Variants in NRG1 observed in about 807,000 individuals in gnomAD.
The protein encoded by NRG1 is neuregulin 1, also known as pro-neuregulin-1, membrane-bound isoform.
A neutral mutation model predicts 63.8 loss-of-function variants in NRG1; 18 were observed. The ratio of observed to expected loss-of-function variants is 0.28; its 90% CI spans 0.19 to 0.42. The LOEUF (loss-of-function observed/expected upper bound fraction) is 0.42. Among genes scored for constraint, NRG1 ranks in the 10% least tolerant of loss-of-function variants. The pLI is 1.00. For missense variants in NRG1, 762 were observed against 814.7 expected (o/e 0.94, Z 0.79); for synonymous variants, 302 against 301.3 (o/e 1.00, Z -0.02).
chr8:31,850,666 T>C (rs1827124445), intron 1 of NRG1, among the ~76,000 whole-genome samples: 1 of 152,172 alleles, frequency 6.6e-6, no homozygotes. Context: ...TTTAGTTCAG[T>C]GTTTCCTCCT....
chr8:32,088,356 AGT>A (rs1024405997), intron 1 of NRG1, among the ~76,000 whole-genome samples: 27 of 152,196 alleles, frequency 1.8e-4, no homozygotes, highest in African/African-American at 6.3e-4. Context: ...GGTCAGATAA[AGT>A]GGATTATATG....
At chr8:32,180,277 T>C (rs948886368) in intron 1 of NRG1, among the ~76,000 whole-genome samples, 1 of 152,150 alleles carries the variant, frequency 6.6e-6, no homozygotes, top group Admixed American at 6.6e-5. Context: ...CTGCACAAAT[T>C]ACCCTTCCAA....
chr8:32,284,978 C>T (rs750179916), intron 1 of NRG1, among the ~76,000 whole-genome samples: 20 of 152,192 alleles, frequency 1.3e-4, no homozygotes, highest in Admixed American at 6.5e-5. Flanking sequence ...TAACATTTTC[C>T]TTTGCACCTG....
At chr8:31,837,884 G>C (rs1825831036) in intron 1 of NRG1, among the ~76,000 whole-genome samples, 1 of 152,050 alleles carries the variant, frequency 6.6e-6, no homozygotes, top group Non-Finnish European at 1.5e-5. Context: ...TTCATCCCCT[G>C]ATGGACACTT....
At position 32,069,481 on chromosome 8, in the gene NRG1, A is replaced by G. The variant is rs139539299; in HGVS notation, c.37+430050A>G. ...TACTTTGAAAAGTCGTGAATTAAAT[A>G]GAACTTTCTAGCAATGGTTGATGAA... On this transcript the variant is annotated intron_variant, in intron 1 of 10. Transcript: ENST00000519301. Among the ~76,000 whole-genome samples the G allele has an allele frequency of 2.5e-3, 383 of 152,344 alleles. 1 individual carries two copies. The highest frequency in any genetic ancestry group is 8.6e-3 in the African/African-American group (359 of 41,578).
intron 1 of NRG1, among the ~76,000 whole-genome samples, chr8:32,203,188 CT>C (rs11311144): frequency 0.6 from 36,858 of 61,508 alleles, 10,372 homozygotes; most frequent in Admixed American, 0.7. Context: ...AGCAAGCCAG[CT>C]TTTTTTTTTT....
chr8:31,708,276 C>A (rs1229002226), intron 1 of NRG1, among the ~76,000 whole-genome samples: 2 of 152,074 alleles, frequency 1.3e-5, no homozygotes, highest in African/African-American at 4.8e-5. Context: ...TGGCAGGAAA[C>A]CAGAAGTGAT....
intron 2 of NRG1, among the ~76,000 whole-genome samples, chr8:32,596,718 T>C (rs1843438308): frequency 6.6e-6 from 1 of 152,162 alleles, no homozygotes; most frequent in South Asian, 2.1e-4. Context: ...AATACTTAGA[T>C]TTATGGAAAG....
chr8:32,664,476 C>A (rs376409472), intron 5 of NRG1, among the ~76,000 whole-genome samples: 1 of 151,952 alleles, frequency 6.6e-6, no homozygotes, highest in Non-Finnish European at 1.5e-5. Context: ...CATGGTGAGT[C>A]GGCCAGTTGA....
Position 32,507,063 on chromosome 8 carries a change from G to T in NRG1, c.38-88765G>T, listed in dbSNP as rs185298992. On this transcript the variant is annotated intron_variant, in intron 1 of 10. Transcript: ENST00000519301. Reference sequence around the variant, plus strand: ...TGAAAAAAACCTAGGGGTGAACCTGGCATGGTTTTTGCCCTCAAAATTCTT... The same window carrying T: ...TGAAAAAAACCTAGGGGTGAACCTGTCATGGTTTTTGCCCTCAAAATTCTT... Among the ~76,000 whole-genome samples, 18 of 152,184 alleles carry T rather than the reference G, an allele frequency of 1.2e-4. No individual in the cohort carries two copies. The East Asian group carries it at 3.3e-3, about 28-fold the overall frequency.
At chr8:32,713,593 ATAAT>A (rs1376099423) in intron 5 of NRG1, among the ~76,000 whole-genome samples, 2 of 149,812 alleles carry the variant, frequency 1.3e-5, no homozygotes, top group African/African-American at 4.9e-5. Flanking sequence ...TTTCTCTCTG[ATAAT>A]TCATGAGTAA....
chr8:32,306,245 A>G (rs941917082), intron 1 of NRG1, among the ~76,000 whole-genome samples: 4 of 152,224 alleles, frequency 2.6e-5, no homozygotes, highest in Non-Finnish European at 5.9e-5. Flanking sequence ...ACCACATTCT[A>G]TACTGGAAAA....
At chr8:32,289,295 A>C (rs1269487095) in intron 1 of NRG1, among the ~76,000 whole-genome samples, 8 of 152,150 alleles carry the variant, frequency 5.3e-5, no homozygotes, top group African/African-American at 1.9e-4. Context: ...TTGTCTCTCA[A>C]GTCTACCTAT....
downstream of NRG1, among the ~76,000 whole-genome samples, chr8:32,771,071 A>G (rs1279902632): frequency 6.6e-6 from 1 of 152,012 alleles, no homozygotes; most frequent in Non-Finnish European, 1.5e-5. Flanking sequence ...TCACCAAATA[A>G]TATTTAACTT....
chr8:32,666,211 T>A (rs1804120261), intron 5 of NRG1, among the ~76,000 whole-genome samples: 1 of 152,196 alleles, frequency 6.6e-6, no homozygotes, highest in African/African-American at 2.4e-5. Context: ...AGTGAATATA[T>A]AAACTTGTAG....
At chr8:32,109,276 T>G (rs1418856049) in intron 1 of NRG1, among the ~76,000 whole-genome samples, 2 of 152,166 alleles carry the variant, frequency 1.3e-5, no homozygotes, top group Non-Finnish European at 2.9e-5. Context: ...AGGTTCGCTG[T>G]TAGTATAGAG....
intron 1 of NRG1, among the ~76,000 whole-genome samples, chr8:32,561,601 T>G (rs11776203): frequency 0.2 from 30,329 of 152,136 alleles, 3,855 homozygotes; most frequent in Admixed American, 0.33. Flanking sequence ...CTCTGTAAAT[T>G]ATGTGCATGC....
At chr8:32,364,647 G>A (rs1563364192) in intron 1 of NRG1, among the ~76,000 whole-genome samples, 2 of 151,998 alleles carry the variant, frequency 1.3e-5, no homozygotes, top group Non-Finnish European at 2.9e-5. Context: ...GTACTTGTGA[G>A]ATTTCTTTTC....
intron 1 of NRG1, among the ~76,000 whole-genome samples, chr8:32,578,034 G>T (rs1268557253): frequency 6.6e-6 from 1 of 152,066 alleles, no homozygotes; most frequent in Non-Finnish European, 1.5e-5. Flanking sequence ...TCACACAGTC[G>T]CCTGGTCTGG....
Sources: allele counts gnomAD v4.1 joint callset (sites outside exome capture counted in the v4.1 genomes callset), GRCh38; gene constraint gnomAD v4.1.1; transcripts MANE v1.5; gene names NCBI Gene and HGNC (gene_info 2026-07-23, HGNC 2026-07-21).